The following KCNG3 variants were observed in gnomAD, a reference collection of about 807,000 sequenced individuals.
KCNG3 encodes voltage-gated potassium channel regulatory subunit KCNG3.
In KCNG3, 15 loss-of-function variants were observed where a neutral mutation model predicts 29.0. The observed-to-expected ratio is 0.52, with a 90% confidence interval of 0.35 to 0.80. The LOEUF is 0.80. Among genes scored for constraint, KCNG3 ranks in the 30% least tolerant of loss-of-function variants. The pLI is 0.01. For synonymous variants in KCNG3, 322 were observed against 248.9 expected (o/e 1.29, Z -2.76); for missense variants, 512 against 605.7 (o/e 0.85, Z 1.62).
At chr2:42,416,389 A>C in the KCNG3 span, among the ~76,000 whole-genome samples, 7 of 152,156 alleles carry the variant, frequency 4.6e-5, no homozygotes, top group Non-Finnish European at 7.3e-5. Flanking sequence ...GGGCAGGAAG[A>C]TTGCTTGTGC....
chr2:42,444,687 C>G lies in KCNG3; in HGVS notation c.666-108G>C. On this transcript the variant is annotated intron_variant, in intron 1 of 1. Transcript: ENST00000306078. The surrounding 1 kb of genome is among the most constrained non-coding windows in gnomAD (Gnocchi z 5.8). ...CTGACATACTAATTCAGTTACTTTT[C>G]CAGAAAACATAAAGAACAGACAACA... 2.0e-6 allele frequency: 2 copies of G among 1,011,344 alleles called. No homozygotes were observed. Among genetic ancestry groups the G allele is most frequent in the Non-Finnish European group, 2.9e-6 (2 of 690,858 alleles). 62.6% of individuals were successfully genotyped at this position (1,011,344 alleles called of 1,614,324 possible).
intron 1 of KCNG3, among the ~76,000 whole-genome samples, chr2:42,465,392 T>C (rs189178747): frequency 2.0e-5 from 3 of 152,018 alleles, no homozygotes; most frequent in Non-Finnish European, 4.4e-5. Flanking sequence ...AGTTTTTGTA[T>C]TTTTAGCAGA....
intron 1 of KCNG3, chr2:42,463,935 G>T: frequency 3.0e-6 from 1 of 335,256 alleles, no homozygotes. Context: ...CTAATCCACA[G>T]CCCTTGGTGA....
chr2:42,406,747 A>G, the KCNG3 span, among the ~76,000 whole-genome samples: 1 of 151,120 alleles, frequency 6.6e-6, no homozygotes, highest in Non-Finnish European at 1.5e-5. Context: ...GAATTGCTTG[A>G]ACATATGAGG....
At chr2:42,472,396 T>C (rs939953465) in intron 1 of KCNG3, among the ~76,000 whole-genome samples, 2 of 152,178 alleles carry the variant, frequency 1.3e-5, no homozygotes, top group South Asian at 2.1e-4. Flanking sequence ...ATATATTAAA[T>C]GTATTTTTAA....
At chr2:42,392,671 G>C in the KCNG3 span, among the ~76,000 whole-genome samples, 1 of 152,048 alleles carries the variant, frequency 6.6e-6, no homozygotes, top group Non-Finnish European at 1.5e-5. Flanking sequence ...TTATAAAGCA[G>C]GGAAGAAATG....
chr2:42,428,379 T>G, the KCNG3 span, among the ~76,000 whole-genome samples: 12 of 146,742 alleles, frequency 8.2e-5, no homozygotes, highest in African/African-American at 3.0e-4. Flanking sequence ...GAGAATCCCC[T>G]GAGCCTGGGA....
At chr2:42,486,065 T>G (rs1673712280) in intron 1 of KCNG3, among the ~76,000 whole-genome samples, 1 of 152,198 alleles carries the variant, frequency 6.6e-6, no homozygotes. Context: ...CCCACCAACA[T>G]GCTGGAGATC....
At chr2:42,396,979 C>T in the KCNG3 span, among the ~76,000 whole-genome samples, 1 of 152,150 alleles carries the variant, frequency 6.6e-6, no homozygotes, top group Non-Finnish European at 1.5e-5. Context: ...CAATGAGAGG[C>T]TGGGCACGGT....
At chr2:42,459,448 G>C (rs2103686864) in intron 1 of KCNG3, among the ~76,000 whole-genome samples, 1 of 152,314 alleles carries the variant, frequency 6.6e-6, no homozygotes, top group South Asian at 2.1e-4. Flanking sequence ...AATGTGCATG[G>C]CTTCAGTCTG....
chr2:42,393,611 G>C, the KCNG3 span, among the ~76,000 whole-genome samples: 2 of 152,040 alleles, frequency 1.3e-5, no homozygotes, highest in Non-Finnish European at 2.9e-5. Context: ...AGCTGGTACA[G>C]CAGCTTCATA....
intron 1 of KCNG3, among the ~76,000 whole-genome samples, chr2:42,467,791 G>A (rs1309316819): frequency 2.0e-5 from 3 of 151,230 alleles, no homozygotes; most frequent in Non-Finnish European, 4.4e-5. Flanking sequence ...ACAACATGGC[G>A]AAACTCTTGT....
At chr2:42,403,477 G>GTTT in the KCNG3 span, among the ~76,000 whole-genome samples, 7,911 of 87,746 alleles carry the variant, frequency 0.09, 547 homozygotes, top group South Asian at 0.19. Context: ...TTTCTTTTCT[G>GTTT]TTTTTTTTTT....
chr2:42,472,909 T>A (rs897212514), intron 1 of KCNG3, among the ~76,000 whole-genome samples: 83 of 138,020 alleles, frequency 6.0e-4, no homozygotes, highest in African/African-American at 2.1e-3. Flanking sequence ...ATATATTTTT[T>A]TTTTTTTTTT....
intron 1 of KCNG3, among the ~76,000 whole-genome samples, chr2:42,452,904 C>T (rs1400046365): frequency 6.6e-6 from 1 of 152,186 alleles, no homozygotes; most frequent in African/African-American, 2.4e-5. Context: ...GCCTCAGCAT[C>T]TTGAGCAGCT....
intron 1 of KCNG3, among the ~76,000 whole-genome samples, chr2:42,483,954 G>A (rs1451421466): frequency 6.6e-6 from 1 of 152,010 alleles, no homozygotes; most frequent in African/African-American, 2.4e-5. Flanking sequence ...ACCACACCCG[G>A]CTAAATTTTG....
intron 1 of KCNG3, among the ~76,000 whole-genome samples, chr2:42,486,412 A>G (rs1030523502): frequency 6.6e-6 from 1 of 152,046 alleles, no homozygotes; most frequent in Non-Finnish European, 1.5e-5. Context: ...TTCATTCTCT[A>G]CCCAGTGGTG....
the KCNG3 span, among the ~76,000 whole-genome samples, chr2:42,434,905 A>G: frequency 6.6e-6 from 1 of 152,152 alleles, no homozygotes; most frequent in East Asian, 1.9e-4. Flanking sequence ...TCTACATGCA[A>G]AAAATAAACA....
chr2:42,469,222 G>C (rs979621641), intron 1 of KCNG3, among the ~76,000 whole-genome samples: 1 of 151,846 alleles, frequency 6.6e-6, no homozygotes, highest in Non-Finnish European at 1.5e-5. Context: ...GTGGAGACCA[G>C]CCTGGCCAAC....
Sources: allele counts gnomAD v4.1 joint callset (sites outside exome capture counted in the v4.1 genomes callset), GRCh38; gene constraint gnomAD v4.1.1; non-coding constraint Gnocchi (gnomAD v3.1); transcripts MANE v1.5; gene names NCBI Gene and HGNC (gene_info 2026-07-23, HGNC 2026-07-21).